Variants in RANBP9 observed in about 807,000 individuals in gnomAD.
RANBP9 encodes RAN binding protein 9, also known as ran-binding protein 9.
In RANBP9, 15 loss-of-function variants were observed where a neutral mutation model predicts 84.3. The observed-to-expected ratio is 0.18, with a 90% confidence interval of 0.12 to 0.27. The LOEUF is 0.27. RANBP9 is among the 10% of genes least tolerant of loss of function. The pLI, the probability that RANBP9 is intolerant of heterozygous loss-of-function variation, is 1.00. For missense variants in RANBP9, 809 were observed against 912.8 expected, an observed-to-expected ratio of 0.89 and a Z score of 1.46; for synonymous variants, 392 against 349.6, an observed-to-expected ratio of 1.12 and a Z score of -1.35.
chr6:13,646,023 C>T (rs1193644584), intron 5 of RANBP9, among the ~76,000 whole-genome samples: 2 of 152,164 alleles, frequency 1.3e-5, no homozygotes, highest in African/African-American at 4.8e-5. Flanking sequence ...TAATAATCAA[C>T]AGAGCTAACA....
intron 12 of RANBP9, among the ~76,000 whole-genome samples, chr6:13,631,463 T>C (rs557321372): frequency 1.3e-5 from 2 of 152,332 alleles, no homozygotes; most frequent in South Asian, 2.1e-4. Flanking sequence ...GAGCATATCC[T>C]TGTGTATCAT....
Position 13,711,199 on chromosome 6 carries a change from G to A in RANBP9, c.307C>T (p.Pro103Ser). Reference sequence around the variant, plus strand: ...CCCGCTGCAAGGCCCGGGGGAGCGGGCGGCCCGCTGGCGGGGGCAGCCGCT... The same window carrying A: ...CCCGCTGCAAGGCCCGGGGGAGCGGACGGCCCGCTGGCGGGGGCAGCCGCT... Reference protein sequence around the residue: ...ASAAAPASGPPAPPGLAAGPG... With the variant: ...ASAAAPASGPSAPPGLAAGPG... Residue 103 changes from proline to serine, a missense_variant, in exon 1 of 14, where the codon CCC (proline) becomes TCC (serine). Transcript: ENST00000011619. 8.1e-7 allele frequency: 1 copy of A among 1,227,958 alleles called. No individual in the cohort carries two copies. Among genetic ancestry groups the A allele is most frequent in the Non-Finnish European group, 1.0e-6 (1 of 984,620 alleles). 76.1% of individuals were successfully genotyped at this position (1,227,958 alleles called of 1,614,324 possible).
chr6:13,634,513 T>A lies in RANBP9; in HGVS notation c.1713A>T (p.Gly571=). 1 of 1,612,728 alleles carries A rather than the reference T, an allele frequency of 6.2e-7. No homozygotes were observed. The highest frequency in any genetic ancestry group is 1.1e-5 in the South Asian group (1 of 91,066). The change falls in exon 11 of 14, where the codon GGA becomes GGT. Residue 571 remains glycine (G), a synonymous_variant. Transcript: ENST00000011619. ...VDMETDHYSN[G]VGETSSNGFL... is the part of the protein sequence containing the mutation. ...AACCATTGGATGAAGTTTCTCCAAC[T>A]CCATTGGAGTAGTGATCTGTTTCCA...
intron 2 of RANBP9, among the ~76,000 whole-genome samples, chr6:13,695,399 ATGTTTTT>A (rs1329785792): frequency 9.4e-5 from 10 of 106,502 alleles, no homozygotes; most frequent in East Asian, 7.5e-4. Context: ...CACCAACCAA[ATGTTTTT>A]TTTTTTTTTT....
intron 1 of RANBP9, 90 bp from the exon 2 acceptor site, chr6:13,696,986 T>C: frequency 9.6e-7 from 1 of 1,042,948 alleles, no homozygotes; most frequent in Non-Finnish European, 1.4e-6. Context: ...TATAGGTTTT[T>C]GGAATGATGT....
chr6:13,711,388 C>A lies in RANBP9; in HGVS notation c.118G>T (p.Ala40Ser). 1 of 1,175,950 alleles carries A rather than the reference C, an allele frequency of 8.5e-7. No homozygotes were observed. Among genetic ancestry groups the A allele is most frequent in the Non-Finnish European group, 1.1e-6 (1 of 952,318 alleles). 72.8% of individuals were successfully genotyped at this position (1,175,950 alleles called of 1,614,324 possible). A position where few individuals can be genotyped will look rare whatever the true frequency, so the allele number is the denominator to read the frequency against. ...VSGVVLPAPP[A>S]VSAGSSPAGS... is the part of the protein sequence containing the mutation. ...GCCGGAGAAGAGCCGGCGCTGACGGCCGGGGGCGCCGGCAGGACGACTCCG... is the reference window on the plus strand; with the variant it reads ...GCCGGAGAAGAGCCGGCGCTGACGGACGGGGGCGCCGGCAGGACGACTCCG... The change falls in exon 1 of 14, where the codon GCC becomes TCC. Residue 40 changes from alanine (A) to serine (S), a missense_variant. Around this residue, in one of 5 missense-constraint regions of RANBP9, gnomAD observed 302 missense variants for 240.1 expected, o/e 1.26. Transcript: ENST00000011619.
intron 1 of RANBP9, among the ~76,000 whole-genome samples, chr6:13,706,604 A>T (rs763321807): frequency 6.6e-5 from 10 of 150,986 alleles, no homozygotes; most frequent in Non-Finnish European, 1.3e-4. Context: ...GAGGCAGAAG[A>T]ATTGCTTGAA....
chr6:13,710,086 A>G (rs1372074188), intron 1 of RANBP9, among the ~76,000 whole-genome samples: 3 of 152,166 alleles, frequency 2.0e-5, no homozygotes, highest in Non-Finnish European at 4.4e-5. Flanking sequence ...TTTATATACA[A>G]CTGATTTGCT....
chr6:13,632,118 C>CTTTTTTTTTTTTTTTT (rs752500098), intron 12 of RANBP9, among the ~76,000 whole-genome samples: 2 of 74,922 alleles, frequency 2.7e-5, no homozygotes, highest in Non-Finnish European at 5.2e-5. Flanking sequence ...GGATTTAATC[C>CTTTTTTTTTTTTTTTT]TTTTTTTTTT....
chr6:13,656,338 G>A (rs1584926334), intron 4 of RANBP9, among the ~76,000 whole-genome samples: 1 of 151,766 alleles, frequency 6.6e-6, no homozygotes, highest in Admixed American at 6.6e-5. Context: ...GCAGTAAAAG[G>A]TGAAATCTTT....
intron 2 of RANBP9, among the ~76,000 whole-genome samples, chr6:13,685,284 T>C (rs185572227): frequency 1.3e-5 from 2 of 152,292 alleles, no homozygotes; most frequent in African/African-American, 4.8e-5. Flanking sequence ...TTAATAAACT[T>C]AGACTATGCC....
intron 13 of RANBP9, among the ~76,000 whole-genome samples, chr6:13,623,111 T>C (rs954372674): frequency 6.6e-6 from 1 of 152,098 alleles, no homozygotes; most frequent in African/African-American, 2.4e-5. Context: ...ATTTTCAGGG[T>C]CCTGCATATC....
At chr6:13,692,794 A>C (rs907184395) in intron 2 of RANBP9, among the ~76,000 whole-genome samples, 1 of 152,152 alleles carries the variant, frequency 6.6e-6, no homozygotes, top group Admixed American at 6.6e-5. Flanking sequence ...TGGAAGTTAC[A>C]GTGAGCCAAG....
chr6:13,665,193 T>C (rs1305643635), intron 2 of RANBP9, among the ~76,000 whole-genome samples: 2 of 152,110 alleles, frequency 1.3e-5, no homozygotes, highest in African/African-American at 4.8e-5. Flanking sequence ...TCTTAATGAC[T>C]TGAGGATAAA....
chr6:13,687,810 AC>A (rs1489050583), intron 2 of RANBP9, among the ~76,000 whole-genome samples: 1 of 152,162 alleles, frequency 6.6e-6, no homozygotes, highest in East Asian at 1.9e-4. Flanking sequence ...CCCTCAGATA[AC>A]CCACCTAAAA....
At chr6:13,668,533 A>C (rs932205855) in intron 2 of RANBP9, among the ~76,000 whole-genome samples, 2 of 152,170 alleles carry the variant, frequency 1.3e-5, no homozygotes, top group Non-Finnish European at 2.9e-5. Context: ...ACCAAATGGG[A>C]TTTATATCCC....
chr6:13,696,337 T>C (rs557068418), intron 2 of RANBP9, among the ~76,000 whole-genome samples: 50 of 152,284 alleles, frequency 3.3e-4, no homozygotes, highest in Non-Finnish European at 5.9e-4. Context: ...ATCCTAAACC[T>C]TGAAAATCTC....
At chr6:13,689,161 A>AAAAAC in intron 2 of RANBP9, among the ~76,000 whole-genome samples, 1 of 152,034 alleles carries the variant, frequency 6.6e-6, no homozygotes. Context: ...TGCTGCAAAC[A>AAAAAC]AAAACAAAAC....
rs1306467899 is a variant in RANBP9, at chr6:13,637,832, G to A, written c.1649C>T (p.Ser550Leu). ...CCTGGTGAAGTTATTAACTTGCTGT[G>A]ATCTTGACATATTTATACTGTTTAG... The part of the protein sequence containing the change: ...PELNSINMSR[S>L]QQVNNFTSND... Residue 550 changes from serine to leucine, a missense_variant, in exon 10 of 14, where the codon TCA becomes TTA. Ser to Leu is a moderately radical substitution (Grantham distance 145, BLOSUM62 -2). Coordinates refer to ENST00000011619, the MANE Select transcript of RANBP9 (RefSeq NM_005493.3). 1 of 1,599,072 alleles carries A rather than the reference G, an allele frequency of 6.3e-7. No homozygotes were observed. Among genetic ancestry groups the A allele is most frequent in the East Asian group, 2.2e-5 (1 of 44,562 alleles).
Sources: gnomAD v4.1 joint callset for allele counts (sites outside exome capture counted in the v4.1 genomes callset) on GRCh38, gnomAD v4.1.1 for gene constraint, gnomAD v4.1.1 regional missense constraint, MANE v1.5 for transcripts, NCBI Gene and HGNC (gene_info 2026-07-23, HGNC 2026-07-21) for gene names.